Variants in CCDC88C observed in about 807,000 individuals in gnomAD.
The protein encoded by CCDC88C is protein Daple.
In CCDC88C, 131 loss-of-function variants were observed where a neutral mutation model predicts 198.8. The ratio of observed to expected loss-of-function variants is 0.66; its 90% CI spans 0.57 to 0.76. The LOEUF (loss-of-function observed/expected upper bound fraction) is 0.76, where lower values mean the gene tolerates loss of function less well. CCDC88C is among the 30% of genes least tolerant of loss of function. The pLI is 0.00. For missense variants in CCDC88C, 2,553 were observed against 2,631.6 expected (o/e 0.97, Z 0.65); for synonymous variants, 1,166 against 1,114.7 (o/e 1.05, Z -0.92).
Position 91,339,860 on chromosome 14 carries a change from C to A in CCDC88C, c.624+24G>T, listed in dbSNP as rs12883434. The A allele has an allele frequency of 0.099, 154,920 of 1,563,480 alleles. 8,483 individuals carry two copies. Among genetic ancestry groups the A allele is most frequent in the Admixed American group, 0.2 (10,767 of 54,650 alleles). ...GGCCTAAGCCCCTTCCCAGGCTGAC[C>A]GGGCCACCGACCCGCGGACGCACCT... is the stretch of plus-strand genomic sequence containing the variant. On this transcript the variant is annotated intron_variant, in intron 7 of 29. Coordinates refer to ENST00000389857, the MANE Select transcript of CCDC88C (RefSeq NM_001080414.4). This position sits in a 1 kb window ranked among gnomAD's most constrained non-coding sequence, Gnocchi z 5.8.
chr14:91,356,176 A>G (rs919698619), intron 4 of CCDC88C, among the ~76,000 whole-genome samples: 4 of 152,176 alleles, frequency 2.6e-5, no homozygotes, highest in Admixed American at 2.0e-4. Context: ...TATTTCATAA[A>G]TACATCCCTC....
Position 91,294,307 on chromosome 14 carries a change from A to T in CCDC88C, c.3978T>A (p.Arg1326=). 2 of 1,613,926 alleles carry T rather than the reference A, an allele frequency of 1.2e-6. No homozygotes were observed. Among genetic ancestry groups the T allele is most frequent in the East Asian group, 4.5e-5 (2 of 44,888 alleles). ...TTTCTTCCTCCAAGTTCCCCTTGAG[A>T]CGGGAGAGCAGCTAGAACACAGACC... is the stretch of plus-strand genomic sequence containing the variant. ...KLDNHCELLS[R]LKGNLEEENH... is the part of the protein sequence containing the mutation. Residue 1326 remains arginine, a synonymous_variant, in exon 23 of 30, where the codon CGT becomes CGA. Coordinates refer to ENST00000389857, the MANE Select transcript of CCDC88C (RefSeq NM_001080414.4).
At chr14:91,321,547 C>T (rs865906787) in intron 12 of CCDC88C, among the ~76,000 whole-genome samples, 1 of 152,344 alleles carries the variant, frequency 6.6e-6, no homozygotes, top group Middle Eastern at 3.4e-3. Context: ...CGGCAGGTTA[C>T]AGTCCAGGAG....
intron 3 of CCDC88C, among the ~76,000 whole-genome samples, chr14:91,390,062 ACT>A (rs1332442991): frequency 1.3e-5 from 2 of 151,414 alleles, no homozygotes; most frequent in Non-Finnish European, 2.9e-5. Context: ...ACAGGGTGAG[ACT>A]CTGTTTCAAA....
rs933681526 is a variant in CCDC88C, at chr14:91,416,288, G to A, written c.161+450C>T. Among the ~76,000 whole-genome samples the A allele has an allele frequency of 2.6e-5, 4 of 152,184 alleles. No individual in the cohort carries two copies. In the South Asian group the frequency reaches 8.3e-4, roughly 32 times the overall value. On this transcript the variant is annotated intron_variant, in intron 2 of 29. Transcript: ENST00000389857. The stretch of plus-strand genomic sequence containing the variant: ...GGCAACTGAAAAAGGAAGATGAAAT[G>A]TAAAGGAGCTCAGAAACACAGACAC...
At chr14:91,312,798 C>G (rs140038023) in intron 15 of CCDC88C, among the ~76,000 whole-genome samples, 2 of 152,140 alleles carry the variant, frequency 1.3e-5, no homozygotes, top group Non-Finnish European at 1.5e-5. Context: ...AAAACCACAA[C>G]AGCTCACCTG....
chr14:91,392,714 TGCAACCC>T (rs571947299), intron 3 of CCDC88C, among the ~76,000 whole-genome samples: 25 of 150,514 alleles, frequency 1.7e-4, no homozygotes, highest in African/African-American at 6.0e-4. Context: ...GGCCCCTCAC[TGCAACCC>T]CTCACTGAGC....
chr14:91,278,407 A>AC (rs1451014101), intron 28 of CCDC88C, among the ~76,000 whole-genome samples, 196 bp from the exon 29 acceptor site: 1 of 152,188 alleles, frequency 6.6e-6, no homozygotes, highest in African/African-American at 2.4e-5. Context: ...AAAACAAAAT[A>AC]CTTTGAGATA....
Position 91,394,832 on chromosome 14 carries a change from C to T in CCDC88C, c.270+13827G>A, listed in dbSNP as rs144508217. Among the ~76,000 whole-genome samples the T allele has an allele frequency of 3.1e-3, 465 of 152,292 alleles. 2 individuals are homozygous for T. Among genetic ancestry groups the T allele is most frequent in the South Asian group, 0.012 (59 of 4,830 alleles). The stretch of plus-strand genomic sequence containing the variant: ...ACACGTGCACACTCGCAAGATTAAT[C>T]CAAATGAATCAGAGCGCATTACTCC... On this transcript the variant is annotated intron_variant, in intron 3 of 29. Transcript: ENST00000389857.
chr14:91,375,100 C>T (rs1002921643), intron 3 of CCDC88C, among the ~76,000 whole-genome samples: 2 of 152,210 alleles, frequency 1.3e-5, no homozygotes, highest in African/African-American at 2.4e-5. Context: ...CCTTACTCTT[C>T]GAGTCTCCTT....
chr14:91,318,651 T>G (rs1014983457), intron 13 of CCDC88C, among the ~76,000 whole-genome samples: 3 of 152,020 alleles, frequency 2.0e-5, no homozygotes, highest in Non-Finnish European at 4.4e-5. Flanking sequence ...ATCATGAACC[T>G]GCAGAGTGGC....
chr14:91,376,173 G>A (rs1233608886), intron 3 of CCDC88C, among the ~76,000 whole-genome samples: 1 of 151,968 alleles, frequency 6.6e-6, no homozygotes, highest in Non-Finnish European at 1.5e-5. Context: ...ACAGGGTGAC[G>A]ATCATAGGTC....
rs1894775358 is a variant in CCDC88C at position 91,371,103 on chromosome 14, C to T, written c.271-11392G>A. 6.6e-6 allele frequency among the ~76,000 whole-genome samples: 1 copy of T among 152,194 alleles called. No individual in the cohort carries two copies. The highest frequency in any genetic ancestry group is 1.9e-4 in the East Asian group (1 of 5,204). ...GGACAGCACCTGCAGCAGTTCTGGG[C>T]TGCCCTTTCCTCTGTCCCTAAGTCC... On this transcript the variant is annotated intron_variant, in intron 3 of 29. Transcript: ENST00000389857. The surrounding 1 kb of genome is among the most constrained non-coding windows in gnomAD (Gnocchi z 4.2).
At chr14:91,278,270 T>C in intron 28 of CCDC88C, 59 bp from the exon 29 acceptor site, 1 of 1,478,322 alleles carries the variant, frequency 6.8e-7, no homozygotes, top group Non-Finnish European at 9.1e-7. Flanking sequence ...CTCTGGTGGC[T>C]TCTAGAGGCT....
chr14:91,360,779 T>C (rs1053276994), intron 3 of CCDC88C, among the ~76,000 whole-genome samples: 1 of 152,088 alleles, frequency 6.6e-6, no homozygotes, highest in African/African-American at 2.4e-5. Context: ...ACCACTTACA[T>C]CCCCCTAAGT....
chr14:91,313,067 T>C lies in CCDC88C; in HGVS notation c.2736+13A>G. On this transcript the variant is annotated intron_variant, in intron 15 of 29. Coordinates refer to ENST00000389857, the MANE Select transcript of CCDC88C (RefSeq NM_001080414.4). The surrounding 1 kb of genome is among the most constrained non-coding windows in gnomAD (Gnocchi z 5.2). ...TGCCAATCCCCTTACAGGCGCCGCC[T>C]GTGTTTGCTCACCTCCCTCAGAGTT... 6.4e-7 allele frequency: 1 copy of C among 1,560,720 alleles called. No individual in the cohort carries two copies. Among genetic ancestry groups the C allele is most frequent in the Non-Finnish European group, 8.7e-7 (1 of 1,150,718 alleles).
At chr14:91,388,742 T>C (rs571938008) in intron 3 of CCDC88C, among the ~76,000 whole-genome samples, 37 of 152,324 alleles carry the variant, frequency 2.4e-4, no homozygotes, top group Non-Finnish European at 4.7e-4. Flanking sequence ...CCGCTCTAAC[T>C]GTGGGCCATG....
intron 3 of CCDC88C, among the ~76,000 whole-genome samples, chr14:91,397,223 G>A (rs568692143): frequency 6.6e-5 from 10 of 152,242 alleles, no homozygotes; most frequent in Admixed American, 3.9e-4. Flanking sequence ...ATCTGGGCTC[G>A]GTGCTGTGCC....
rs556448090 is a variant in CCDC88C, at chr14:91,330,264, G to A, written c.1051-4208C>T. On this transcript the variant is annotated intron_variant, in intron 10 of 29. Coordinates refer to ENST00000389857, the MANE Select transcript of CCDC88C (RefSeq NM_001080414.4). ...GGAGACGCAGCCCGCACAGTTCAGC[G>A]CCCCACCCCTGACCTGGCCGCAGAG... 2.1e-4 allele frequency among the ~76,000 whole-genome samples: 32 copies of A among 152,362 alleles called. No homozygotes were observed. The South Asian group carries it at 3.9e-3, about 19-fold the overall frequency.
Sources: allele counts gnomAD v4.1 joint callset (sites outside exome capture counted in the v4.1 genomes callset), GRCh38; gene constraint gnomAD v4.1.1; non-coding constraint Gnocchi (gnomAD v3.1); transcripts MANE v1.5; gene names NCBI Gene and HGNC (gene_info 2026-07-23, HGNC 2026-07-21).